CEP192: variants seen among roughly 807,000 people sequenced by gnomAD.
CEP192 encodes the protein centrosomal protein 192.
In CEP192, 151 loss-of-function variants were observed where a neutral mutation model predicts 271.8. That is an observed-to-expected ratio of 0.56 (90% CI 0.49 to 0.64). The LOEUF is 0.64. CEP192 is among the 30% of genes least tolerant of loss of function. CEP192 has a pLI of 0.00. For synonymous variants in CEP192, 995 were observed against 1,076.5 expected, an observed-to-expected ratio of 0.92 and a Z score of 1.48; for missense variants, 2,910 against 3,020.5, an observed-to-expected ratio of 0.96 and a Z score of 0.86.
At chr18:13,124,398 GATAGC>G in intron 44 of CEP192, 1 of 382,888 alleles carries the variant, frequency 2.6e-6, no homozygotes, top group Non-Finnish European at 4.7e-6. Flanking sequence ...ATAGTTACTG[GATAGC>G]CAGGAATACA....
intron 40 of CEP192, among the ~76,000 whole-genome samples, chr18:13,110,730 G>A (rs923973728): frequency 2.6e-5 from 4 of 152,206 alleles, no homozygotes; most frequent in Admixed American, 6.5e-5. Flanking sequence ...TCAAAAGAAG[G>A]AAGCCAACAG....
chr18:13,100,667 G>A (rs547348913), intron 38 of CEP192, among the ~76,000 whole-genome samples, 155 bp downstream of exon 38: 1 of 152,176 alleles, frequency 6.6e-6, no homozygotes, highest in Non-Finnish European at 1.5e-5. Flanking sequence ...GCTGGATTTG[G>A]GATCTGAACA....
chr18:13,113,439 A>G, intron 40 of CEP192, 147 bp from the exon 41 acceptor site: 1 of 765,272 alleles, frequency 1.3e-6, no homozygotes, highest in South Asian at 1.7e-5. Context: ...GAAATTGTCC[A>G]AATTCTTTCA....
At position 13,124,971 on chromosome 18, in the gene CEP192, G is replaced by A. The variant is rs1347276595; in HGVS notation, c.*201G>A. On this transcript the variant is annotated 3_prime_UTR_variant, in exon 45 of 45. Transcript: ENST00000506447. ...CATAGTATTGTACTTAACTTTTACA[G>A]GTGAGAAGAGAGTTCTGTGTTTGCA... 1 of 428,104 alleles carries A rather than the reference G, an allele frequency of 2.3e-6. No individual in the cohort carries two copies. Among genetic ancestry groups the A allele is most frequent in the African/African-American group, 2.0e-5 (1 of 51,032 alleles). The allele number at this position is 428,104 out of a possible 1,614,324, so 26.5% of individuals were successfully genotyped here.
chr18:13,080,750 T>C (rs2038559560), intron 30 of CEP192, among the ~76,000 whole-genome samples: 3 of 152,336 alleles, frequency 2.0e-5, no homozygotes, highest in African/African-American at 7.2e-5. Flanking sequence ...TTTTTGCCCA[T>C]TCACTATGAT....
In CEP192 at chr18:13,099,463, AT is replaced by A. The variant is rs754994470; in HGVS notation, c.6558-5del. The A allele has an allele frequency of 4.6e-5, 62 of 1,345,246 alleles. No individual in the cohort carries two copies. Among genetic ancestry groups the A allele is most frequent in the Admixed American group, 6.4e-5 (3 of 46,524 alleles). The allele number at this position is 1,345,246 out of a possible 1,614,324, so 83.3% of individuals were successfully genotyped here. ...CAGGCTCTTTTTAATTTTCTTATTA[AT>A]TTTTTTTAAAGGAGTAAACTACAAA... On this transcript the variant is annotated splice_polypyrimidine_tract_variant and intron_variant, in intron 36 of 44. Transcript: ENST00000506447.
At chr18:13,060,570 C>G (rs969051964) in intron 21 of CEP192, among the ~76,000 whole-genome samples, 2 of 152,124 alleles carry the variant, frequency 1.3e-5, no homozygotes, top group Non-Finnish European at 2.9e-5. Flanking sequence ...GGATCACTGT[C>G]CTGTATACAG....
In CEP192 at chr18:13,049,487, C is replaced by T. The variant is rs1224610157; in HGVS notation, c.2696C>T (p.Ser899Leu). Reference protein sequence around the residue: ...QDVGNDEKATSISTPSDSYSS... With the variant: ...QDVGNDEKATLISTPSDSYSS... The stretch of plus-strand genomic sequence containing the variant: ...GTTGGTAACGATGAAAAAGCTACCT[C>T]AATTTCCACTCCATCTGATAGTTAT... The change falls in exon 16 of 45, where the codon TCA (serine) becomes TTA (leucine). Residue 899 changes from serine to leucine, a missense_variant. Transcript: ENST00000506447. 1 of 1,614,116 alleles carries T rather than the reference C, an allele frequency of 6.2e-7. No individual in the cohort carries two copies. The highest frequency in any genetic ancestry group is 8.5e-7 in the Non-Finnish European group (1 of 1,180,008).
chr18:13,015,311 C>T lies in CEP192; in HGVS notation c.520-17C>T. The T allele has an allele frequency of 6.5e-7, 1 of 1,547,354 alleles. No individual in the cohort carries two copies. Among genetic ancestry groups the T allele is most frequent in the Non-Finnish European group, 8.7e-7 (1 of 1,145,706 alleles). Reference sequence around the variant, plus strand: ...CCCTGAATGTGCTTCTCTTACTTGCCATTTTGTTTCTTATAGATTGTTGTG... The same window carrying T: ...CCCTGAATGTGCTTCTCTTACTTGCTATTTTGTTTCTTATAGATTGTTGTG... On this transcript the variant is annotated splice_polypyrimidine_tract_variant and intron_variant, in intron 5 of 44. Coordinates refer to ENST00000506447, the MANE Select transcript of CEP192 (RefSeq NM_032142.4).
chr18:12,991,764 C>T (rs2032866764), intron 1 of CEP192, among the ~76,000 whole-genome samples: 1 of 152,232 alleles, frequency 6.6e-6, no homozygotes, highest in South Asian at 2.1e-4. Flanking sequence ...ACTTCCACCT[C>T]TTGAGGGACA....
intron 11 of CEP192, among the ~76,000 whole-genome samples, chr18:13,032,901 G>A (rs921498952): frequency 4.6e-5 from 7 of 152,314 alleles, no homozygotes; most frequent in Non-Finnish European, 8.8e-5. Flanking sequence ...GGAACATGTG[G>A]AATGACGTAA....
At chr18:13,086,638 G>GC (rs2038911436) in intron 30 of CEP192, among the ~76,000 whole-genome samples, 2 of 152,268 alleles carry the variant, frequency 1.3e-5, no homozygotes, top group Non-Finnish European at 1.5e-5. Flanking sequence ...TGGCCACCTT[G>GC]CCAGCCACCA....
In CEP192 at chr18:13,071,046, A is replaced by C. The variant is rs755057349; in HGVS notation, c.5182A>C (p.Lys1728Gln). 1 of 1,611,872 alleles carries C rather than the reference A, an allele frequency of 6.2e-7. No homozygotes were observed. Among genetic ancestry groups the C allele is most frequent in the South Asian group, 1.1e-5 (1 of 90,936 alleles). Reference protein sequence around the residue: ...DPEACEERILKIFVQPFGPQY... With the variant: ...DPEACEERILQIFVQPFGPQY... ...GAATTCTTTCTTTCTTAGGATCTTG[A>C]AAATATTTGTGCAGCCATTTGGACC... Residue 1728 changes from lysine (K) to glutamine (Q), a missense_variant, in exon 28 of 45, where the codon AAA (lysine) becomes CAA (glutamine). By Grantham distance (53) the Lys-to-Gln change is moderately conservative. Transcript: ENST00000506447.
At chr18:13,116,312 T>C (rs766625143) in intron 42 of CEP192, 65 bp from the exon 43 acceptor site, 104 of 1,480,478 alleles carry the variant, frequency 7.0e-5, no homozygotes, top group Non-Finnish European at 8.3e-5. Context: ...AATTTTAATA[T>C]ATAAAAACAG....
intron 33 of CEP192, among the ~76,000 whole-genome samples, chr18:13,090,462 C>T (rs1207152570): frequency 1.3e-5 from 2 of 152,114 alleles, no homozygotes; most frequent in Non-Finnish European, 2.9e-5. Flanking sequence ...GTAAATTTCA[C>T]GTGGTAGCTT....
At chr18:13,084,774 C>T (rs779959869) in intron 30 of CEP192, among the ~76,000 whole-genome samples, 4 of 151,938 alleles carry the variant, frequency 2.6e-5, no homozygotes, top group African/African-American at 9.7e-5. Flanking sequence ...CTCTAATGAT[C>T]GCCATTCTCA....
chr18:13,103,869 T>A lies in CEP192; in HGVS notation c.6951+281T>A, dbSNP rs1373566512. On this transcript the variant is annotated intron_variant, in intron 39 of 44. Transcript: ENST00000506447. ...CATGTCCAGCTAACTTTTTGTTTTT[T>A]TGTAGAGATGGAGCCTCACCACACT... is the stretch of plus-strand genomic sequence containing the variant. 4 of 499,420 alleles carry A rather than the reference T, an allele frequency of 8.0e-6. No homozygotes were observed. In the Admixed American group the frequency reaches 9.2e-5, roughly 11 times the overall value. The allele number at this position is 499,420 out of a possible 1,614,324, so 30.9% of individuals were successfully genotyped here. A position where few individuals can be genotyped will look rare whatever the true frequency, so the allele number is the denominator to read the frequency against.
chr18:13,071,687 A>G (rs1176181836), intron 28 of CEP192, among the ~76,000 whole-genome samples: 2 of 152,088 alleles, frequency 1.3e-5, no homozygotes, highest in East Asian at 3.9e-4. Flanking sequence ...ACCTTAGGAA[A>G]TGGGAGGTAG....
Position 13,053,032 on chromosome 18 carries a change from C to T in CEP192, c.3131C>T (p.Ser1044Phe), listed in dbSNP as rs78227735. The T allele has an allele frequency of 1.7e-4, 275 of 1,613,906 alleles. No individual in the cohort carries two copies. In the East Asian group the frequency reaches 5.2e-3, roughly 30 times the overall value. ...GGGGTGAGCAGGCTGACGTATGTGT[C>T]TGAACCAGAGAGCTCCTATCCTACC... ...PAGVSRLTYV[S>F]EPESSYPTTA... Residue 1044 changes from serine to phenylalanine, a missense_variant, in exon 18 of 45, where the codon TCT (serine) becomes TTT (phenylalanine). By Grantham distance (155) the Ser-to-Phe change is radical. Coordinates refer to ENST00000506447, the MANE Select transcript of CEP192 (RefSeq NM_032142.4).
Sources: allele counts gnomAD v4.1 joint callset (sites outside exome capture counted in the v4.1 genomes callset), GRCh38; gene constraint gnomAD v4.1.1; transcripts MANE v1.5; gene names NCBI Gene and HGNC (gene_info 2026-07-23, HGNC 2026-07-21).